Variants in CNTN5 observed in about 807,000 individuals in gnomAD.
The protein encoded by CNTN5 is contactin-5.
A neutral mutation model predicts 129.1 loss-of-function variants in CNTN5; 77 were observed. The ratio of observed to expected loss-of-function variants is 0.60; its 90% CI spans 0.50 to 0.72. The LOEUF (loss-of-function observed/expected upper bound fraction) is 0.72. CNTN5 is among the 30% of genes least tolerant of loss of function. CNTN5 has a pLI of 0.00. For missense variants in CNTN5, 1,478 were observed against 1,328.8 expected (o/e 1.11, Z -1.75); for synonymous variants, 509 against 465.6 (o/e 1.09, Z -1.20).
intron 3 of CNTN5, among the ~76,000 whole-genome samples, chr11:99,787,895 A>G (rs971625102): frequency 1.3e-5 from 2 of 151,936 alleles, no homozygotes; most frequent in Non-Finnish European, 2.9e-5. Context: ...CCATATACGG[A>G]TCTGATTCCA....
At chr11:100,331,123 TA>T (rs1951898767) in intron 21 of CNTN5, among the ~76,000 whole-genome samples, 1 of 151,876 alleles carries the variant, frequency 6.6e-6, no homozygotes, top group African/African-American at 2.4e-5. Flanking sequence ...AAACTTAAGG[TA>T]AAAAGGTGGA....
At chr11:99,168,030 T>C (rs898289638) in intron 1 of CNTN5, among the ~76,000 whole-genome samples, 1 of 151,924 alleles carries the variant, frequency 6.6e-6, no homozygotes, top group Non-Finnish European at 1.5e-5. Flanking sequence ...CCACCTCCTG[T>C]ACTCAAAGGA....
At chr11:99,720,900 A>C (rs951041862) in intron 3 of CNTN5, among the ~76,000 whole-genome samples, 4 of 152,192 alleles carry the variant, frequency 2.6e-5, no homozygotes, top group South Asian at 4.1e-4. Context: ...CCCATTCACA[A>C]TTGCCACAAA....
intron 8 of CNTN5, among the ~76,000 whole-genome samples, chr11:99,970,567 A>G (rs1281083238): frequency 6.6e-6 from 1 of 152,222 alleles, no homozygotes; most frequent in Non-Finnish European, 1.5e-5. Flanking sequence ...AATACATCCA[A>G]AGCACTTAGA....
chr11:100,012,712 C>T (rs1323025981), intron 9 of CNTN5, among the ~76,000 whole-genome samples: 1 of 152,198 alleles, frequency 6.6e-6, no homozygotes, highest in East Asian at 1.9e-4. Flanking sequence ...TTTTCAGTTG[C>T]TAAGAGTAAT....
intron 3 of CNTN5, among the ~76,000 whole-genome samples, chr11:99,666,038 C>A (rs1356480587): frequency 6.6e-6 from 1 of 151,926 alleles, no homozygotes; most frequent in Non-Finnish European, 1.5e-5. Flanking sequence ...GATCTTGGCT[C>A]ACTGCAATCT....
intron 2 of CNTN5, among the ~76,000 whole-genome samples, chr11:99,378,905 T>C (rs1940350605): frequency 6.6e-6 from 1 of 152,046 alleles, no homozygotes; most frequent in Non-Finnish European, 1.5e-5. Context: ...AGTGAATAAA[T>C]GGAATAAATA....
At chr11:100,055,028 TA>T (rs137939088) in intron 9 of CNTN5, among the ~76,000 whole-genome samples, 1,742 of 91,626 alleles carry the variant, frequency 0.019, 28 homozygotes, top group Admixed American at 0.059. Context: ...AGCCGTAGCC[TA>T]AAAAAAAAAA....
rs187315413 is a variant in CNTN5, at chr11:100,031,300, G to A, written c.980+29164G>A. Among the ~76,000 whole-genome samples, 71 of 152,262 alleles carry A rather than the reference G, an allele frequency of 4.7e-4. 1 individual carries two copies. In the South Asian group the frequency reaches 8.1e-3, roughly 17 times the overall value. Reference sequence around the variant, plus strand: ...ATTGTGTAAAGACAATGCCAGGTTGGACTGCCAGAATGAGCCAACAGCGCA... The same window carrying A: ...ATTGTGTAAAGACAATGCCAGGTTGAACTGCCAGAATGAGCCAACAGCGCA... On this transcript the variant is annotated intron_variant, in intron 9 of 24. Coordinates refer to ENST00000524871, the MANE Select transcript of CNTN5 (RefSeq NM_014361.4).
Position 99,630,695 on chromosome 11 carries a change from C to T in CNTN5, c.55+74426C>T, listed in dbSNP as rs545683783. ...AATTTACTTCAACACATTCTCTGTCCGGGGTATACCCTTGGGCCTCAGTTA... is the reference window on the plus strand; with the variant it reads ...AATTTACTTCAACACATTCTCTGTCTGGGGTATACCCTTGGGCCTCAGTTA... On this transcript the variant is annotated intron_variant, in intron 3 of 24. Coordinates refer to ENST00000524871, the MANE Select transcript of CNTN5 (RefSeq NM_014361.4). 5.9e-5 allele frequency among the ~76,000 whole-genome samples: 9 copies of T among 152,120 alleles called. No individual in the cohort carries two copies. The South Asian group carries it at 1.0e-3, about 18-fold the overall frequency.
chr11:99,454,317 T>C (rs76188084), intron 2 of CNTN5, among the ~76,000 whole-genome samples: 1 of 152,152 alleles, frequency 6.6e-6, no homozygotes, highest in Non-Finnish European at 1.5e-5. Flanking sequence ...TATCTTGAAT[T>C]GTAATCCGTA....
chr11:99,570,815 G>GTTAT (rs1949152781), intron 3 of CNTN5, among the ~76,000 whole-genome samples: 1 of 152,102 alleles, frequency 6.6e-6, no homozygotes, highest in Non-Finnish European at 1.5e-5. Flanking sequence ...GTGGCAAGGT[G>GTTAT]TTATTAAACA....
chr11:99,975,951 C>T (rs1329907664), intron 8 of CNTN5, among the ~76,000 whole-genome samples: 3 of 152,192 alleles, frequency 2.0e-5, no homozygotes, highest in Non-Finnish European at 2.9e-5. Context: ...AGACAAGGCA[C>T]GTCCTTTCCA....
chr11:99,228,975 C>T (rs77598417), intron 1 of CNTN5, among the ~76,000 whole-genome samples: 2,637 of 151,986 alleles, frequency 0.017, 42 homozygotes, highest in African/African-American at 0.038. Context: ...ATTTTACATA[C>T]ATTTATAAAG....
At chr11:99,719,263 T>C (rs1943087490) in intron 3 of CNTN5, among the ~76,000 whole-genome samples, 1 of 151,828 alleles carries the variant, frequency 6.6e-6, no homozygotes, top group Non-Finnish European at 1.5e-5. Flanking sequence ...AAGGTTGCAG[T>C]GAGCTGAGAT....
intron 1 of CNTN5, among the ~76,000 whole-genome samples, chr11:99,313,547 T>C (rs1487645600): frequency 6.6e-6 from 1 of 152,042 alleles, no homozygotes. Flanking sequence ...TTATGGTTTA[T>C]GGGGATCCTA....
At chr11:99,296,640 G>A (rs1488580112) in intron 1 of CNTN5, among the ~76,000 whole-genome samples, 1 of 152,150 alleles carries the variant, frequency 6.6e-6, no homozygotes, top group South Asian at 2.1e-4. Flanking sequence ...ACCAAACATT[G>A]GTTTTAGGGT....
chr11:100,187,602 GACCAATGGGACTGAATAGAGAA>G (rs1948340999), intron 13 of CNTN5, among the ~76,000 whole-genome samples: 1 of 152,000 alleles, frequency 6.6e-6, no homozygotes, highest in African/African-American at 2.4e-5. Flanking sequence ...CAGACACATA[GACCAATGGGACTGAATAGAGAA>G]ACCAGAAAGA....
At chr11:100,034,251 A>G (rs1941866391) in intron 9 of CNTN5, among the ~76,000 whole-genome samples, 1 of 152,194 alleles carries the variant, frequency 6.6e-6, no homozygotes, top group Non-Finnish European at 1.5e-5. Context: ...GATTATAAAT[A>G]CCAAACACTT....
Sources: gnomAD v4.1 joint callset for allele counts (sites outside exome capture counted in the v4.1 genomes callset) on GRCh38, gnomAD v4.1.1 for gene constraint, MANE v1.5 for transcripts, NCBI Gene and HGNC (gene_info 2026-07-23, HGNC 2026-07-21) for gene names.